Variants in KCNJ15 observed in about 807,000 individuals in gnomAD.
KCNJ15 encodes the protein potassium inwardly rectifying channel subfamily J member 15, also known as ATP-sensitive inward rectifier potassium channel 15.
In KCNJ15, 14 loss-of-function variants were observed where a neutral mutation model predicts 23.0. The ratio of observed to expected loss-of-function variants is 0.61; its 90% CI spans 0.40 to 0.95. KCNJ15 has a LOEUF of 0.95. Ranked by LOEUF, KCNJ15 falls within the 40% of genes least tolerant of loss-of-function variation. The pLI, the probability that KCNJ15 is intolerant of heterozygous loss-of-function variation, is 0.00. For missense variants in KCNJ15, 388 were observed against 461.8 expected, an observed-to-expected ratio of 0.84 and a Z score of 1.46; for synonymous variants, 185 against 183.2, an observed-to-expected ratio of 1.01 and a Z score of -0.08.
chr21:38,235,331 A>G (rs1411342363), intron 1 of KCNJ15, among the ~76,000 whole-genome samples: 1 of 151,788 alleles, frequency 6.6e-6, no homozygotes, highest in African/African-American at 2.4e-5. Context: ...AGGTTGGTGG[A>G]TCAAATGAGG....
At chr21:38,255,310 A>G (rs1212817155), upstream of KCNJ15, among the ~76,000 whole-genome samples, 1 of 152,234 alleles carries the variant, frequency 6.6e-6, no homozygotes, top group Non-Finnish European at 1.5e-5. Flanking sequence ...CAGCTGGTAT[A>G]TACTCAGATC....
At chr21:38,266,761 T>G (rs570064080) in intron 1 of KCNJ15, among the ~76,000 whole-genome samples, 1 of 152,316 alleles carries the variant, frequency 6.6e-6, no homozygotes, top group Admixed American at 6.5e-5. Context: ...CAGGCAGGCT[T>G]TCTTGCTAAC....
In KCNJ15 at chr21:38,281,046, G is replaced by A. The variant is rs145650607; in HGVS notation, c.-116-15880G>A. On this transcript the variant is annotated intron_variant, in intron 1 of 2. Coordinates refer to ENST00000398938, the MANE Select transcript of KCNJ15 (RefSeq NM_170736.3). ...AGCTTTCACCTCCAGCCTCAGCCTCGCCTGGGAGCTGGTTAGAAATGCAAA... is the reference window on the plus strand; with the variant it reads ...AGCTTTCACCTCCAGCCTCAGCCTCACCTGGGAGCTGGTTAGAAATGCAAA... 6.8e-3 allele frequency among the ~76,000 whole-genome samples: 1,036 copies of A among 152,146 alleles called. 7 individuals carry two copies. Among genetic ancestry groups the A allele is most frequent in the African/African-American group, 6.5e-3 (269 of 41,496 alleles).
chr21:38,299,505 G>C lies in KCNJ15; in HGVS notation c.244G>C (p.Gly82Arg). Reference protein sequence around the residue: ...ATFVMTWFLFGVIYYAIAFIH... With the variant: ...ATFVMTWFLFRVIYYAIAFIH... ...TTTTGTGATGACCTGGTTCCTTTTT[G>C]GAGTCATCTACTATGCCATCGCGTT... Residue 82 changes from glycine to arginine, a missense_variant, in exon 3 of 3, where the codon GGA becomes CGA. Physicochemically the swap from Gly to Arg is moderately radical, Grantham distance 125. Coordinates refer to ENST00000398938, the MANE Select transcript of KCNJ15 (RefSeq NM_170736.3). The surrounding 1 kb of genome is among the most constrained non-coding windows in gnomAD (Gnocchi z 4.5). 6.2e-7 allele frequency: 1 copy of C among 1,614,132 alleles called. No homozygotes were observed.
At chr21:38,235,468 G>A (rs530502537) in intron 1 of KCNJ15, among the ~76,000 whole-genome samples, 1 of 152,158 alleles carries the variant, frequency 6.6e-6, no homozygotes, top group South Asian at 2.1e-4. Flanking sequence ...TCAGGAGAAT[G>A]GCTTGAACCT....
At chr21:38,263,660 C>T (rs2123618843) in intron 1 of KCNJ15, among the ~76,000 whole-genome samples, 1 of 152,192 alleles carries the variant, frequency 6.6e-6, no homozygotes, top group South Asian at 2.1e-4. Flanking sequence ...ATGCTTTGGC[C>T]AACTGTGATG....
chr21:38,247,232 TGATGGATG>T (rs765878058), intron 1 of KCNJ15, among the ~76,000 whole-genome samples: 11 of 108,516 alleles, frequency 1.0e-4, no homozygotes, highest in Admixed American at 1.7e-4. Flanking sequence ...ATAAATGGAT[TGATGGATG>T]GATGGATGGA....
chr21:38,249,978 A>G (rs1281229925), intron 1 of KCNJ15, among the ~76,000 whole-genome samples: 1 of 152,192 alleles, frequency 6.6e-6, no homozygotes, highest in Non-Finnish European at 1.5e-5. Flanking sequence ...AGGAATAGTC[A>G]AGAGTTTGAG....
At chr21:38,231,377 G>A (rs137998210) in intron 1 of KCNJ15, among the ~76,000 whole-genome samples, 182 of 151,764 alleles carry the variant, frequency 1.2e-3, no homozygotes, top group African/African-American at 2.1e-3. Flanking sequence ...AAATTATGTC[G>A]TATGTAAATA....
At chr21:38,268,498 G>A (rs1469910999) in intron 1 of KCNJ15, among the ~76,000 whole-genome samples, 1 of 128,672 alleles carries the variant, frequency 7.8e-6, no homozygotes, top group African/African-American at 2.9e-5. Context: ...CACACAGTTT[G>A]GAAACATTTG....
chr21:38,244,699 T>C (rs899458870), intron 1 of KCNJ15, among the ~76,000 whole-genome samples: 1 of 152,092 alleles, frequency 6.6e-6, no homozygotes, highest in Non-Finnish European at 1.5e-5. Flanking sequence ...TCTTAGTCCC[T>C]GCACACCCTA....
intron 1 of KCNJ15, among the ~76,000 whole-genome samples, chr21:38,274,502 C>T (rs1191482621): frequency 6.6e-6 from 1 of 152,218 alleles, no homozygotes; most frequent in Non-Finnish European, 1.5e-5. Flanking sequence ...ATATAAGCCT[C>T]ATGAGAGCAA....
upstream of KCNJ15, among the ~76,000 whole-genome samples, chr21:38,253,844 C>T (rs1254184931): frequency 6.6e-6 from 1 of 152,152 alleles, no homozygotes; most frequent in African/African-American, 2.4e-5. Flanking sequence ...TTTGACACAA[C>T]TAAGAGTCTT....
At chr21:38,247,101 CATGG>C (rs1251368471) in intron 1 of KCNJ15, among the ~76,000 whole-genome samples, 2,187 of 70,044 alleles carry the variant, frequency 0.031, 16 homozygotes, top group Middle Eastern at 0.066. Flanking sequence ...TGGATGGATG[CATGG>C]ATGGATGGAT....
At chr21:38,269,231 AAAAACAAAAC>A (rs527753814) in intron 1 of KCNJ15, among the ~76,000 whole-genome samples, 1 of 152,198 alleles carries the variant, frequency 6.6e-6, no homozygotes, top group African/African-American at 2.4e-5. Flanking sequence ...TTTTTGTTCT[AAAAACAAAAC>A]AAAACAAAAC....
intron 1 of KCNJ15, among the ~76,000 whole-genome samples, chr21:38,234,385 A>G (rs557105943): frequency 2.0e-5 from 3 of 152,380 alleles, no homozygotes; most frequent in South Asian, 4.1e-4. Flanking sequence ...CTTGTGTCCA[A>G]TTATTCTACA....
At chr21:38,241,862 G>A (rs182835131) in intron 1 of KCNJ15, among the ~76,000 whole-genome samples, 79 of 151,706 alleles carry the variant, frequency 5.2e-4, no homozygotes, top group African/African-American at 1.7e-3. Flanking sequence ...CCAGCTACTT[G>A]GAAGACTGAG....
chr21:38,275,911 GTCC>G (rs1982640400), intron 1 of KCNJ15, among the ~76,000 whole-genome samples: 1 of 152,058 alleles, frequency 6.6e-6, no homozygotes, highest in Non-Finnish European at 1.5e-5. Flanking sequence ...GAAGGAATCA[GTCC>G]TCCTCCTGGA....
At chr21:38,248,713 A>G (rs1979622806) in intron 1 of KCNJ15, among the ~76,000 whole-genome samples, 1 of 152,232 alleles carries the variant, frequency 6.6e-6, no homozygotes, top group Non-Finnish European at 1.5e-5. Flanking sequence ...CTGTATTATA[A>G]GATGGCTTTG....
Sources: allele counts gnomAD v4.1 joint callset (sites outside exome capture counted in the v4.1 genomes callset), GRCh38; gene constraint gnomAD v4.1.1; non-coding constraint Gnocchi (gnomAD v3.1); transcripts MANE v1.5; gene names NCBI Gene and HGNC (gene_info 2026-07-23, HGNC 2026-07-21).